The following LMNTD2 variants were observed in gnomAD, a reference collection of about 807,000 sequenced individuals.
LMNTD2 encodes the protein lamin tail domain containing 2.
In LMNTD2, 83 loss-of-function variants were observed where a neutral mutation model predicts 70.1. The observed-to-expected ratio is 1.18, with a 90% CI of 0.99 to 1.42. The LOEUF (loss-of-function observed/expected upper bound fraction) is 1.42, where lower values mean the gene tolerates loss of function less well. LMNTD2 is among the 40% of genes most tolerant of loss of function. The pLI is 0.00. For missense variants in LMNTD2, 1,153 were observed against 905.9 expected (o/e 1.27, Z -3.50); for synonymous variants, 534 against 406.1 (o/e 1.31, Z -3.79).
rs201290232 is a variant in LMNTD2, at chr11:555,992, C to G, written c.1377+4G>C. On this transcript the variant is annotated splice_donor_region_variant and intron_variant, in intron 11 of 13. Coordinates refer to ENST00000329451, the MANE Select transcript of LMNTD2 (RefSeq NM_173573.3). ...CGGCCGCCCCACCGGGGACCCGCAC[C>G]GACCTCGCCCTTGGGGCTCAGGAGC... 7.5e-4 allele frequency: 1,171 copies of G among 1,557,834 alleles called. 10 individuals are homozygous for G. The African/African-American group carries it at 0.015, about 20-fold the overall frequency.
chr11:556,942 G>A lies in LMNTD2; in HGVS notation c.869C>T (p.Pro290Leu), dbSNP rs138732057. ...CACCTGCACGAAGGAAGGCAGGCCC[G>A]GCCGGCAGCTGCTGGAGTCGGAGTC... ...GADSDSSSCR[P>L]GLPSFVQVIG... Residue 290 changes from proline (P) to leucine (L), a missense_variant, in exon 8 of 14, where the codon CCG (proline) becomes CTG (leucine). Transcript: ENST00000329451. 1.6e-4 allele frequency: 264 copies of A among 1,600,856 alleles called. 2 individuals carry two copies. Among genetic ancestry groups the A allele is most frequent in the Non-Finnish European group, 1.4e-4 (166 of 1,177,688 alleles).
chr11:558,532 T>C, intron 3 of LMNTD2, 82 bp downstream of exon 3: 19 of 1,479,996 alleles, frequency 1.3e-5, no homozygotes, highest in Non-Finnish European at 1.6e-5. Flanking sequence ...GCCTCAGCGG[T>C]TGGGGTTGGG....
In LMNTD2 at chr11:556,480, C is replaced by G; in HGVS notation, c.1073+12G>C. Reference sequence around the variant, plus strand: ...AGTCCGGCGCCGGAGGCTTGGGTCACTCGCCCCTTACCTCTGCAGGAGTTC... The same window carrying G: ...AGTCCGGCGCCGGAGGCTTGGGTCAGTCGCCCCTTACCTCTGCAGGAGTTC... On this transcript the variant is annotated intron_variant, in intron 9 of 13. Transcript: ENST00000329451. 6.5e-7 allele frequency: 1 copy of G among 1,550,242 alleles called. No individual in the cohort carries two copies. Among genetic ancestry groups the G allele is most frequent in the Non-Finnish European group, 8.7e-7 (1 of 1,146,914 alleles).
chr11:558,740 C>G lies in LMNTD2; in HGVS notation c.185G>C (p.Arg62Pro), dbSNP rs750297867. The G allele has an allele frequency of 1.2e-6, 2 of 1,608,348 alleles. No individual in the cohort carries two copies. The highest frequency in any genetic ancestry group is 1.7e-5 in the Admixed American group (1 of 59,438). Residue 62 changes from arginine (R) to proline (P), a missense_variant, in exon 3 of 14, where the codon CGC becomes CCC. By Grantham distance (103) the Arg-to-Pro change is moderately radical. Coordinates refer to ENST00000329451, the MANE Select transcript of LMNTD2 (RefSeq NM_173573.3). ...CTGTCTCCACAGCAGCCGCAGTGTG[C>G]GAGGGTCCAGGGACTCAAGAGCCAA... is the stretch of plus-strand genomic sequence containing the variant. The part of the protein sequence containing the change: ...PQLALESLDP[R>P]TLRLLWRQRE...
At chr11:559,034 TG>T (rs1252321428) in intron 1 of LMNTD2, 55 bp from the exon 2 acceptor site, 2 of 1,577,278 alleles carry the variant, frequency 1.3e-6, no homozygotes, top group Non-Finnish European at 1.7e-6. Flanking sequence ...TGGCCAGACT[TG>T]GGGGCCATTC....
chr11:556,053 G>C lies in LMNTD2; in HGVS notation c.1320C>G (p.Pro440=), dbSNP rs746186023. 1.3e-6 allele frequency: 2 copies of C among 1,551,716 alleles called. No homozygotes were observed. Among genetic ancestry groups the C allele is most frequent in the South Asian group, 1.2e-5 (1 of 86,444 alleles). Residue 440 remains proline, a synonymous_variant, in exon 11 of 14, where the codon CCC becomes CCG. Coordinates refer to ENST00000329451, the MANE Select transcript of LMNTD2 (RefSeq NM_173573.3). ...AGCCGCGGATGGAGAGGAGGGGAAC[G>C]GGCTCCCGGCTCGAGGACGCGCGCA... ...KPLRASSSRE[P]VPLLSIRGCA... is the part of the protein sequence containing the mutation.
At chr11:555,166 G>GGGGAGCGGCGAGGAGGGGAC in intron 13 of LMNTD2, 55 bp from the exon 14 acceptor site, 2 of 610,146 alleles carry the variant, frequency 3.3e-6, no homozygotes, top group East Asian at 7.9e-5. Flanking sequence ...CGGGAGGGGA[G>GGGGAGCGGCGAGGAGGGGAC]GGGAGGGGAG....
In LMNTD2 at chr11:555,772, G is replaced by A. The variant is rs1348161288; in HGVS notation, c.1536C>T (p.Gly512=). ...PPRPPRPLRK[G]RVREPRVSRR... ...GACTGACCCGGGGCTCCCGCACCCGGCCTTTGCGCAGGGGTCGAGGTGGGC... is the reference window on the plus strand; with the variant it reads ...GACTGACCCGGGGCTCCCGCACCCGACCTTTGCGCAGGGGTCGAGGTGGGC... Residue 512 remains glycine (G), a synonymous_variant, in exon 12 of 14, where the codon GGC becomes GGT. Transcript: ENST00000329451. The A allele has an allele frequency of 4.8e-6, 7 of 1,471,548 alleles. 1 individual carries two copies. The South Asian group carries it at 6.8e-5, about 14-fold the overall frequency. 91.2% of individuals were successfully genotyped at this position (1,471,548 alleles called of 1,614,324 possible).
rs1436545572 is a variant in LMNTD2 at position 555,198 on chromosome 11, AGAGCG to A, written c.1774-92_1774-88del. 7.8e-4 allele frequency: 316 copies of A among 402,826 alleles called. 2 individuals are homozygous for A. Among genetic ancestry groups the A allele is most frequent in the Middle Eastern group, 3.2e-3 (5 of 1,566 alleles). The allele number at this position is 402,826 out of a possible 1,614,324, so 25.0% of individuals were successfully genotyped here. A position where few individuals can be genotyped will look rare whatever the true frequency, so the allele number is the denominator to read the frequency against. Reference sequence around the variant, plus strand: ...GGAGGAGAGGGGAGGGGCGGGGAGGAGAGCGGAGGGGAGGGGACGAGGAGACAGAG... The same window carrying A: ...GGAGGAGAGGGGAGGGGCGGGGAGGAGAGGGGAGGGGACGAGGAGACAGAG... On this transcript the variant is annotated intron_variant, in intron 13 of 13. Transcript: ENST00000329451.
In LMNTD2 at chr11:554,854, G is replaced by A. The variant is rs1433438975; in HGVS notation, c.*126C>T. 12 of 664,086 alleles carry A rather than the reference G, an allele frequency of 1.8e-5. No individual in the cohort carries two copies. Among genetic ancestry groups the A allele is most frequent in the Middle Eastern group, 4.2e-4 (1 of 2,360 alleles). The allele number at this position is 664,086 out of a possible 1,614,324, so 41.1% of individuals were successfully genotyped here. On this transcript the variant is annotated 3_prime_UTR_variant, in exon 14 of 14. Coordinates refer to ENST00000329451, the MANE Select transcript of LMNTD2 (RefSeq NM_173573.3). Reference sequence around the variant, plus strand: ...CCAAACCAACATTTCCAGCTCTCAGGTGTACAGAAATGCGGTTTACTTTGT... The same window carrying A: ...CCAAACCAACATTTCCAGCTCTCAGATGTACAGAAATGCGGTTTACTTTGT...
At chr11:560,146 G>T (rs1007384365) in intron 1 of LMNTD2, 4 of 262,544 alleles carry the variant, frequency 1.5e-5, no homozygotes, top group African/African-American at 6.9e-5. Flanking sequence ...GGCTATGTAA[G>T]GGCTCCCTGG....
intron 1 of LMNTD2, 63 bp downstream of exon 1, chr11:560,620 G>C: frequency 7.5e-7 from 1 of 1,327,162 alleles, no homozygotes; most frequent in Non-Finnish European, 9.7e-7. Flanking sequence ...CTTCCTGGGC[G>C]GGAACCCGCC....
At chr11:560,210 C>G in intron 1 of LMNTD2, 1 of 755,706 alleles carries the variant, frequency 1.3e-6, no homozygotes, top group African/African-American at 1.9e-5. Context: ...TCTTTCTGAG[C>G]TGGGCAGAAC....
intron 13 of LMNTD2, 80 bp downstream of exon 13, chr11:555,224 CA>C (rs1564813032): frequency 8.7e-4 from 2 of 2,302 alleles, no homozygotes; most frequent in Admixed American, 0.017. Context: ...GACGAGGAGA[CA>C]GAGGGGAGGG....
intron 1 of LMNTD2, 89 bp from the exon 2 acceptor site, chr11:559,068 A>G: frequency 1.9e-6 from 3 of 1,538,970 alleles, no homozygotes; most frequent in Admixed American, 1.8e-5. Flanking sequence ...GGGAGCTGGG[A>G]GGGGTGGGGG....
At chr11:557,722 T>C (rs1852990066) in intron 5 of LMNTD2, 82 bp from the exon 6 acceptor site, 1 of 1,602,866 alleles carries the variant, frequency 6.2e-7, no homozygotes, top group Admixed American at 1.7e-5. Context: ...CACCTGTGCT[T>C]TGAGGCCTCC....
Position 557,496 on chromosome 11 carries a change from G to A in LMNTD2, c.625-9C>T, listed in dbSNP as rs1348622305. ...TCCTCCAGCCGAAAGCCCTGGCCAG[G>A]AAGCAAGAGGCACATGGTCCTCCCC... On this transcript the variant is annotated splice_polypyrimidine_tract_variant and intron_variant, in intron 6 of 13. Transcript: ENST00000329451. 1 of 1,612,968 alleles carries A rather than the reference G, an allele frequency of 6.2e-7. No homozygotes were observed. Among genetic ancestry groups the A allele is most frequent in the African/African-American group, 1.3e-5 (1 of 74,916 alleles).
chr11:559,182 T>C (rs1853115578), intron 1 of LMNTD2: 16 of 1,467,858 alleles, frequency 1.1e-5, no homozygotes, highest in Non-Finnish European at 1.4e-5. Context: ...CACATGTGGG[T>C]GTCCACACCC....
intron 1 of LMNTD2, chr11:559,329 C>T (rs1420975707): frequency 7.3e-7 from 1 of 1,378,180 alleles, no homozygotes; most frequent in South Asian, 1.2e-5. Context: ...AGCTCAGGGC[C>T]CTACCCCCAG....
Sources: allele counts gnomAD v4.1 joint callset, GRCh38; gene constraint gnomAD v4.1.1; transcripts MANE v1.5; gene names NCBI Gene and HGNC (gene_info 2026-07-23, HGNC 2026-07-21).